ZNF804B: variants seen among roughly 807,000 people sequenced by gnomAD.
ZNF804B encodes zinc finger protein 804B.
Under a neutral mutation model 101.4 loss-of-function variants are expected in ZNF804B, and 80 were observed. That is an observed-to-expected ratio of 0.79 (90% CI 0.66 to 0.95). The LOEUF (loss-of-function observed/expected upper bound fraction) is 0.95, where lower values mean the gene tolerates loss of function less well. Ranked by LOEUF, ZNF804B falls within the 40% of genes least tolerant of loss-of-function variation. ZNF804B has a pLI of 0.00. For missense variants in ZNF804B, 1,673 were observed against 1,561.9 expected, an observed-to-expected ratio of 1.07 and a Z score of -1.20; for synonymous variants, 622 against 558.8, an observed-to-expected ratio of 1.11 and a Z score of -1.59.
chr7:88,892,326 G>C (rs917919872), intron 1 of ZNF804B, among the ~76,000 whole-genome samples: 1 of 151,812 alleles, frequency 6.6e-6, no homozygotes, highest in Admixed American at 6.6e-5. Context: ...TGTTTTTTGG[G>C]TTTGTTTATG....
intron 1 of ZNF804B, among the ~76,000 whole-genome samples, chr7:89,010,561 A>G (rs1241237876): frequency 6.6e-6 from 1 of 152,168 alleles, no homozygotes; most frequent in Non-Finnish European, 1.5e-5. Flanking sequence ...GGTAACAACA[A>G]TTTGCTCACT....
chr7:88,990,102 A>G (rs996721884), intron 1 of ZNF804B, among the ~76,000 whole-genome samples: 1 of 151,924 alleles, frequency 6.6e-6, no homozygotes, highest in African/African-American at 2.4e-5. Context: ...GTAATTTAAA[A>G]ATATTAGGAT....
At chr7:89,258,661 C>T (rs1220942239) in intron 2 of ZNF804B, among the ~76,000 whole-genome samples, 4 of 152,024 alleles carry the variant, frequency 2.6e-5, no homozygotes, top group African/African-American at 4.8e-5. Flanking sequence ...AAAACTTAGC[C>T]ATTAAAAGTC....
intron 1 of ZNF804B, among the ~76,000 whole-genome samples, chr7:89,086,948 T>G (rs1312745307): frequency 1.3e-5 from 2 of 151,842 alleles, no homozygotes; most frequent in Non-Finnish European, 2.9e-5. Flanking sequence ...AACCTGCACG[T>G]TGTGCACATG....
At chr7:89,061,652 C>T (rs1789381749) in intron 1 of ZNF804B, among the ~76,000 whole-genome samples, 1 of 152,030 alleles carries the variant, frequency 6.6e-6, no homozygotes, top group African/African-American at 2.4e-5. Context: ...GTGAGTTACT[C>T]ACCTCTTTGT....
chr7:88,904,985 T>C (rs1792446356), intron 1 of ZNF804B, among the ~76,000 whole-genome samples: 1 of 152,178 alleles, frequency 6.6e-6, no homozygotes, highest in African/African-American at 2.4e-5. Context: ...CAGTCCTATG[T>C]TGAATAGGAG....
intron 1 of ZNF804B, among the ~76,000 whole-genome samples, chr7:89,118,213 C>T (rs75278214): frequency 6.6e-6 from 1 of 152,094 alleles, no homozygotes; most frequent in Non-Finnish European, 1.5e-5. Context: ...TTCATATTCC[C>T]ATTTTAAAGT....
chr7:88,899,306 G>T lies in ZNF804B; in HGVS notation c.108+139222G>T, dbSNP rs552049767. On this transcript the variant is annotated intron_variant, in intron 1 of 3. Coordinates refer to ENST00000333190, the MANE Select transcript of ZNF804B (RefSeq NM_181646.5). Reference sequence around the variant, plus strand: ...ATAAATGATCCTATCAAAACTTTCTGGGGACGGTGGTTACCTAGTCACCTT... The same window carrying T: ...ATAAATGATCCTATCAAAACTTTCTTGGGACGGTGGTTACCTAGTCACCTT... Among the ~76,000 whole-genome samples, 115 of 152,102 alleles carry T rather than the reference G, an allele frequency of 7.6e-4. No homozygotes were observed. In the South Asian group the frequency reaches 0.023, roughly 31 times the overall value.
At chr7:89,288,114 G>A (rs1790235043) in intron 2 of ZNF804B, among the ~76,000 whole-genome samples, 1 of 151,754 alleles carries the variant, frequency 6.6e-6, no homozygotes, top group Non-Finnish European at 1.5e-5. Context: ...TTAATGAGTT[G>A]AAAAAAGAAA....
At chr7:89,148,872 T>A (rs558460469) in intron 1 of ZNF804B, among the ~76,000 whole-genome samples, 2 of 152,146 alleles carry the variant, frequency 1.3e-5, no homozygotes, top group South Asian at 4.1e-4. Context: ...CTAAAAAAAG[T>A]CTCAATTTTT....
intron 2 of ZNF804B, among the ~76,000 whole-genome samples, chr7:89,274,732 A>G (rs999156981): frequency 6.6e-6 from 1 of 151,780 alleles, no homozygotes; most frequent in East Asian, 1.9e-4. Flanking sequence ...CTAGAGTCTT[A>G]TATCAACTCT....
chr7:89,175,917 G>A (rs889545871), intron 1 of ZNF804B, among the ~76,000 whole-genome samples: 1 of 151,754 alleles, frequency 6.6e-6, no homozygotes, highest in African/African-American at 2.4e-5. Context: ...TTTGTATCCA[G>A]CATCTTTAAT....
At chr7:89,143,038 G>A (rs1293341259) in intron 1 of ZNF804B, among the ~76,000 whole-genome samples, 6 of 151,948 alleles carry the variant, frequency 3.9e-5, no homozygotes, top group African/African-American at 7.2e-5. Context: ...GAGGTTTTGT[G>A]GGAGGAGTTG....
At chr7:89,139,428 T>A (rs1016837222) in intron 1 of ZNF804B, among the ~76,000 whole-genome samples, 1 of 152,070 alleles carries the variant, frequency 6.6e-6, no homozygotes, top group Non-Finnish European at 1.5e-5. Context: ...TCACAAAAGA[T>A]TTCTCTGTAA....
chr7:89,079,507 C>G (rs116803480), intron 1 of ZNF804B, among the ~76,000 whole-genome samples: 66 of 152,194 alleles, frequency 4.3e-4, no homozygotes, highest in African/African-American at 1.6e-3. Context: ...ATTTACTCAA[C>G]ACCTGTTAAA....
At chr7:89,300,957 G>A (rs1790462863) in intron 2 of ZNF804B, among the ~76,000 whole-genome samples, 1 of 151,746 alleles carries the variant, frequency 6.6e-6, no homozygotes, top group African/African-American at 2.4e-5. Flanking sequence ...GCTTGGGTAG[G>A]TGTAAGCATT....
chr7:88,829,606 G>T (rs529018492), intron 1 of ZNF804B, among the ~76,000 whole-genome samples: 29 of 151,796 alleles, frequency 1.9e-4, no homozygotes, highest in Non-Finnish European at 2.9e-4. Context: ...ATATAATAAA[G>T]CTGGATACTC....
Position 88,759,854 on chromosome 7 carries a change from G to T in ZNF804B, c.-123G>T. On this transcript the variant is annotated 5_prime_UTR_variant, in exon 1 of 4. Coordinates refer to ENST00000333190, the MANE Select transcript of ZNF804B (RefSeq NM_181646.5). ...GGACGCGCTGCCACCGCCTCCCCCT[G>T]CGTCCTGCTGGCCGCGTCTTCTCGG... is the stretch of plus-strand genomic sequence containing the variant. 1.3e-6 allele frequency: 1 copy of T among 746,864 alleles called. No homozygotes were observed. The highest frequency in any genetic ancestry group is 1.6e-5 in the South Asian group (1 of 62,548). 46.3% of individuals were successfully genotyped at this position (746,864 alleles called of 1,614,324 possible). A position where few individuals can be genotyped will look rare whatever the true frequency, so the allele number is the denominator to read the frequency against.
chr7:88,797,243 C>G (rs185192743), intron 1 of ZNF804B, among the ~76,000 whole-genome samples: 2 of 151,878 alleles, frequency 1.3e-5, no homozygotes, highest in African/African-American at 4.8e-5. Context: ...CTTTAATATG[C>G]CTTAAGGGTT....
Sources: gnomAD v4.1 joint callset for allele counts (sites outside exome capture counted in the v4.1 genomes callset) on GRCh38, gnomAD v4.1.1 for gene constraint, MANE v1.5 for transcripts, NCBI Gene and HGNC (gene_info 2026-07-23, HGNC 2026-07-21) for gene names.